CSTF3: variants seen among roughly 807,000 people sequenced by gnomAD.
CSTF3 encodes CF-1 77 kDa subunit.
In CSTF3, 29 loss-of-function variants were observed where a neutral mutation model predicts 105.8. That is an observed-to-expected ratio of 0.27 (90% CI 0.20 to 0.37). CSTF3 has a LOEUF of 0.37. CSTF3 is among the 10% of genes least tolerant of loss of function. The pLI, the probability that CSTF3 is intolerant of heterozygous loss-of-function variation, is 1.00. For missense variants in CSTF3, 357 were observed against 879.3 expected, an observed-to-expected ratio of 0.41 and a Z score of 7.51; for synonymous variants, 252 against 281.9, an observed-to-expected ratio of 0.89 and a Z score of 1.06.
intron 3 of CSTF3, among the ~76,000 whole-genome samples, chr11:33,140,268 T>A (rs1770117137): frequency 6.6e-6 from 1 of 152,060 alleles, no homozygotes; most frequent in African/African-American, 2.4e-5. Flanking sequence ...TCACCTGTTT[T>A]GTGCCAAGCT....
At chr11:33,103,331 G>A (rs1380166248) in intron 8 of CSTF3, 147 bp from the exon 9 acceptor site, 2 of 440,960 alleles carry the variant, frequency 4.5e-6, no homozygotes, top group Non-Finnish European at 7.8e-6. Flanking sequence ...CTCATGAAAA[G>A]CAGGGAAAAA....
chr11:33,150,012 C>A (rs1442204073), intron 1 of CSTF3, among the ~76,000 whole-genome samples: 1 of 150,140 alleles, frequency 6.7e-6, no homozygotes, highest in Non-Finnish European at 1.5e-5. Flanking sequence ...GAGCCAGACT[C>A]CGTCTTGAAA....
chr11:33,119,058 CT>C (rs55762945), intron 3 of CSTF3, among the ~76,000 whole-genome samples: 5 of 151,242 alleles, frequency 3.3e-5, no homozygotes, highest in East Asian at 1.9e-4. Flanking sequence ...AGTCACATGA[CT>C]TTTTTTTAAT....
intron 16 of CSTF3, among the ~76,000 whole-genome samples, chr11:33,091,578 AAGTC>A (rs1185468572): frequency 1.3e-5 from 2 of 152,238 alleles, no homozygotes; most frequent in Non-Finnish European, 2.9e-5. Context: ...ACAAAACCGT[AAGTC>A]AGAGACATAA....
chr11:33,114,868 T>TAA (rs1007968130), intron 3 of CSTF3, among the ~76,000 whole-genome samples: 36 of 151,952 alleles, frequency 2.4e-4, no homozygotes, highest in African/African-American at 8.7e-4. Flanking sequence ...AATTGATAAA[T>TAA]AAATTAACCT....
At chr11:33,128,653 T>G (rs1213385423) in intron 3 of CSTF3, among the ~76,000 whole-genome samples, 2 of 152,144 alleles carry the variant, frequency 1.3e-5, no homozygotes, top group Non-Finnish European at 2.9e-5. Context: ...TCTATAATAT[T>G]TCTATATTAT....
intron 3 of CSTF3, among the ~76,000 whole-genome samples, chr11:33,110,905 G>A (rs1156284529): frequency 4.6e-5 from 7 of 152,002 alleles, no homozygotes; most frequent in East Asian, 1.9e-4. Context: ...ATCTTTTGAC[G>A]CAGGAATTCC....
intron 3 of CSTF3, among the ~76,000 whole-genome samples, chr11:33,139,894 A>G (rs1172016099): frequency 1.3e-5 from 2 of 151,990 alleles, no homozygotes; most frequent in Non-Finnish European, 2.9e-5. Context: ...GTCTTCCTGA[A>G]ACTTTTTTTT....
chr11:33,108,290 G>T, intron 4 of CSTF3, 96 bp downstream of exon 4: 1 of 1,117,342 alleles, frequency 8.9e-7, no homozygotes. Flanking sequence ...TCACTATCTA[G>T]ATTCAATTAT....
rs370323001 is a variant in CSTF3, at chr11:33,129,192, A to G, written c.225+12475T>C. The stretch of plus-strand genomic sequence containing the variant: ...CTGCAACCTCCGCCTCCAGGGCTCA[A>G]GTAATTCTCCTGCCTCAGCTTCCCA... On this transcript the variant is annotated intron_variant, in intron 3 of 20. Coordinates refer to ENST00000323959, the MANE Select transcript of CSTF3 (RefSeq NM_001326.3). 3.5e-4 allele frequency among the ~76,000 whole-genome samples: 54 copies of G among 152,292 alleles called. 1 individual carries two copies. The South Asian group carries it at 0.011, about 30-fold the overall frequency.
At chr11:33,135,887 GT>G (rs1855648176) in intron 3 of CSTF3, among the ~76,000 whole-genome samples, 1 of 152,070 alleles carries the variant, frequency 6.6e-6, no homozygotes, top group Non-Finnish European at 1.5e-5. Flanking sequence ...AACTGAACAT[GT>G]TCTGTCACAT....
At chr11:33,155,175 T>C (rs1250015101) in intron 1 of CSTF3, among the ~76,000 whole-genome samples, 1 of 151,750 alleles carries the variant, frequency 6.6e-6, no homozygotes, top group Non-Finnish European at 1.5e-5. Context: ...GCTAACACAG[T>C]GAAACCCCAT....
At chr11:33,124,551 G>GA (rs748585533) in intron 3 of CSTF3, among the ~76,000 whole-genome samples, 13 of 152,048 alleles carry the variant, frequency 8.5e-5, no homozygotes, top group Non-Finnish European at 1.8e-4. Flanking sequence ...TTTTTGCCCT[G>GA]AAAAAAGTGA....
chr11:33,155,923 C>T (rs1849860075), intron 1 of CSTF3, among the ~76,000 whole-genome samples: 1 of 151,992 alleles, frequency 6.6e-6, no homozygotes, highest in African/African-American at 2.4e-5. Context: ...GGTAAAAACA[C>T]CCAAATACAG....
chr11:33,112,431 A>C (rs1855388805), intron 3 of CSTF3, among the ~76,000 whole-genome samples: 1 of 152,230 alleles, frequency 6.6e-6, no homozygotes, highest in East Asian at 1.9e-4. Context: ...ATTAAAAAGA[A>C]TATAAAGCAT....
intron 3 of CSTF3, among the ~76,000 whole-genome samples, chr11:33,114,521 T>C (rs72904932): frequency 0.019 from 2,822 of 152,266 alleles, 38 homozygotes; most frequent in Non-Finnish European, 0.027. Context: ...TCACCAGTTA[T>C]AAGAATCATT....
At chr11:33,143,930 C>CAGTA (rs1855746100) in intron 1 of CSTF3, among the ~76,000 whole-genome samples, 1 of 147,304 alleles carries the variant, frequency 6.8e-6, no homozygotes, top group African/African-American at 2.5e-5. Flanking sequence ...GCGGAGCTTA[C>CAGTA]AGTTAGCCGA....
chr11:33,101,208 G>A (rs1319432561), intron 10 of CSTF3, among the ~76,000 whole-genome samples: 1 of 152,162 alleles, frequency 6.6e-6, no homozygotes, highest in Admixed American at 6.5e-5. Flanking sequence ...TCTGGCCTAT[G>A]AGAGCAGCTG....
intron 15 of CSTF3, among the ~76,000 whole-genome samples, chr11:33,094,540 C>T (rs1855199521): frequency 6.6e-6 from 1 of 151,954 alleles, no homozygotes; most frequent in Admixed American, 6.6e-5. Flanking sequence ...AGTGCTAACA[C>T]CAGATATCCT....
Sources: allele counts gnomAD v4.1 joint callset (sites outside exome capture counted in the v4.1 genomes callset), GRCh38; gene constraint gnomAD v4.1.1; transcripts MANE v1.5; gene names NCBI Gene and HGNC (gene_info 2026-07-23, HGNC 2026-07-21).